Variants in GLI2 observed in about 807,000 individuals in gnomAD.
GLI2 encodes transcription activator GLI2.
In GLI2, 22 loss-of-function variants were observed where a neutral mutation model predicts 78.9. The ratio of observed to expected loss-of-function variants is 0.28; its 90% CI spans 0.20 to 0.40. GLI2 has a LOEUF of 0.40. GLI2 is among the 10% of genes least tolerant of loss of function. The probability of loss-of-function intolerance (pLI) is 1.00; values close to 1 mark genes in which losing one functional copy is unlikely to be tolerated. For missense variants in GLI2, 2,097 were observed against 2,213.2 expected, an observed-to-expected ratio of 0.95 and a Z score of 1.05; for synonymous variants, 974 against 963.7, an observed-to-expected ratio of 1.01 and a Z score of -0.20.
intron 2 of GLI2, among the ~76,000 whole-genome samples, chr2:120,876,366 A>G (rs1688747707): frequency 6.6e-6 from 1 of 152,090 alleles, no homozygotes. Flanking sequence ...ACAAACAAAT[A>G]AATAAATGCA....
chr2:120,907,164 C>G (rs1441731549), intron 2 of GLI2, among the ~76,000 whole-genome samples: 3 of 152,192 alleles, frequency 2.0e-5, no homozygotes, highest in African/African-American at 4.8e-5. Flanking sequence ...TCTGACCACA[C>G]AGGGCTCTCG....
chr2:120,880,489 G>T (rs1677063261), intron 2 of GLI2, among the ~76,000 whole-genome samples: 1 of 152,046 alleles, frequency 6.6e-6, no homozygotes, highest in East Asian at 1.9e-4. Context: ...GCAGACAAGG[G>T]CTCTCTTTCC....
At chr2:120,934,897 G>A (rs777134629) in intron 3 of GLI2, among the ~76,000 whole-genome samples, 7 of 152,062 alleles carry the variant, frequency 4.6e-5, no homozygotes, top group South Asian at 4.2e-4. Flanking sequence ...AGACTGCACC[G>A]TTCACCATGA....
chr2:120,754,860 T>C (rs907519324), intron 1 of GLI2, among the ~76,000 whole-genome samples: 2 of 152,042 alleles, frequency 1.3e-5, no homozygotes, highest in African/African-American at 4.8e-5. Flanking sequence ...TTTTCTTTTT[T>C]TTTTTTTTTA....
chr2:120,876,873 G>C (rs570312324), intron 2 of GLI2, among the ~76,000 whole-genome samples: 1 of 152,218 alleles, frequency 6.6e-6, no homozygotes, highest in Non-Finnish European at 1.5e-5. Flanking sequence ...CTGTTTGCAC[G>C]GCCCTTTCCG....
rs1416331126 is a variant in GLI2 at position 120,808,282 on chromosome 2, C to T, written c.148+10814C>T. The stretch of plus-strand genomic sequence containing the variant: ...TGGTCTCTGTGTGGTGTGATGGTGG[C>T]CAGGGTGGGGAAGTCCCTGCCCCCG... On this transcript the variant is annotated intron_variant, in intron 2 of 13. Coordinates refer to ENST00000361492, the MANE Select transcript of GLI2 (RefSeq NM_001374353.1). Among the ~76,000 whole-genome samples the T allele has an allele frequency of 2.6e-5, 4 of 152,284 alleles. No individual in the cohort carries two copies. In the East Asian group the frequency reaches 7.7e-4, roughly 29 times the overall value.
intron 2 of GLI2, among the ~76,000 whole-genome samples, chr2:120,914,130 C>G (rs1678972952): frequency 6.6e-6 from 1 of 152,240 alleles, no homozygotes; most frequent in Non-Finnish European, 1.5e-5. Context: ...TCACCTGCGA[C>G]AAGTGGGCTT....
chr2:120,818,989 A>G (rs1245808001), intron 2 of GLI2, among the ~76,000 whole-genome samples: 1 of 152,142 alleles, frequency 6.6e-6, no homozygotes, highest in African/African-American at 2.4e-5. Context: ...TTTTGTTAGA[A>G]TAGTTTCTAA....
At chr2:120,841,542 C>T in intron 2 of GLI2, among the ~76,000 whole-genome samples, 1 of 152,220 alleles carries the variant, frequency 6.6e-6, no homozygotes, top group East Asian at 1.9e-4. Context: ...TTAAGGTAAG[C>T]TTAAGTCAAG....
At chr2:120,855,014 G>A (rs1315085568) in intron 2 of GLI2, among the ~76,000 whole-genome samples, 1 of 152,238 alleles carries the variant, frequency 6.6e-6, no homozygotes, top group Non-Finnish European at 1.5e-5. Context: ...CACAGAGCAG[G>A]CTCCCCTCGA....
intron 1 of GLI2, among the ~76,000 whole-genome samples, chr2:120,752,298 T>C (rs565035893): frequency 1.3e-4 from 19 of 145,774 alleles, no homozygotes; most frequent in Non-Finnish European, 1.9e-4. Context: ...TGAGACGGAG[T>C]CTCTGTCTGT....
Position 120,821,630 on chromosome 2 carries a change from C to T in GLI2, c.148+24162C>T, listed in dbSNP as rs191806084. ...GGTGACCAGTAAGCCTGGTCCACTG[C>T]CCTTCCTCACCCTCTCGTCTTTCTA... On this transcript the variant is annotated intron_variant, in intron 2 of 13. Coordinates refer to ENST00000361492, the MANE Select transcript of GLI2 (RefSeq NM_001374353.1). Among the ~76,000 whole-genome samples, 233 of 152,298 alleles carry T rather than the reference C, an allele frequency of 1.5e-3. 1 individual carries two copies. Among genetic ancestry groups the T allele is most frequent in the African/African-American group, 5.4e-3 (224 of 41,560 alleles).
intron 5 of GLI2, among the ~76,000 whole-genome samples, chr2:120,967,560 G>T (rs976754395): frequency 2.0e-5 from 3 of 152,224 alleles, no homozygotes; most frequent in African/African-American, 7.2e-5. Flanking sequence ...ACTCTTGTCT[G>T]GGGCAAGCCC....
intron 13 of GLI2, 121 bp from the exon 14 acceptor site, chr2:120,988,087 C>A: frequency 1.3e-6 from 1 of 780,834 alleles, no homozygotes; most frequent in Non-Finnish European, 2.0e-6. Context: ...CATGCATCTC[C>A]TGAGTGCGCT....
At position 120,803,738 on chromosome 2, in the gene GLI2, T is replaced by G. The variant is rs74619129; in HGVS notation, c.148+6270T>G. ...AAAGGTTACTAAAGCTGGCCAAGCC[T>G]TAGACTCTCGTGACAATCACTATGT... is the stretch of plus-strand genomic sequence containing the variant. On this transcript the variant is annotated intron_variant, in intron 2 of 13. Transcript: ENST00000361492. Among the ~76,000 whole-genome samples the G allele has an allele frequency of 5.0e-3, 757 of 152,322 alleles. 8 individuals are homozygous for G. The highest frequency in any genetic ancestry group is 0.017 in the African/African-American group (723 of 41,564).
intron 2 of GLI2, among the ~76,000 whole-genome samples, chr2:120,855,503 G>C (rs1049789815): frequency 7.2e-5 from 11 of 152,226 alleles, no homozygotes; most frequent in Admixed American, 6.5e-4. Flanking sequence ...AATGGGTGAA[G>C]GTGCAGTGAA....
chr2:120,823,910 C>T (rs531007370), intron 2 of GLI2, among the ~76,000 whole-genome samples: 8 of 152,338 alleles, frequency 5.3e-5, no homozygotes, highest in Admixed American at 1.3e-4. Context: ...TGCCATTCCA[C>T]GTCACTGTGT....
Position 120,893,301 on chromosome 2 carries a change from T to C in GLI2, c.149-34060T>C, listed in dbSNP as rs560809889. ...GCCCAGCCCCTGAAGGGAGAGTTCT[T>C]TTCAAACCCTGGTGGCCCCTGCCCG... is the stretch of plus-strand genomic sequence containing the variant. On this transcript the variant is annotated intron_variant, in intron 2 of 13. Transcript: ENST00000361492. Among the ~76,000 whole-genome samples the C allele has an allele frequency of 3.1e-3, 478 of 152,290 alleles. 2 individuals carry two copies. Among genetic ancestry groups the C allele is most frequent in the African/African-American group, 0.011 (470 of 41,556 alleles).
intron 3 of GLI2, among the ~76,000 whole-genome samples, chr2:120,949,968 C>T (rs1680898968): frequency 6.6e-6 from 1 of 152,238 alleles, no homozygotes; most frequent in Admixed American, 6.5e-5. Context: ...AGTGGCCTTT[C>T]ACACGTCCAG....
Sources: gnomAD v4.1 joint callset for allele counts (sites outside exome capture counted in the v4.1 genomes callset) on GRCh38, gnomAD v4.1.1 for gene constraint, MANE v1.5 for transcripts, NCBI Gene and HGNC (gene_info 2026-07-23, HGNC 2026-07-21) for gene names.